Variants in CFTR observed in about 807,000 individuals in gnomAD.
The protein encoded by CFTR is cystic fibrosis transmembrane conductance regulator.
Under a neutral mutation model 171.6 loss-of-function variants are expected in CFTR, and 181 were observed. The observed-to-expected ratio is 1.05, with a 90% CI of 0.93 to 1.19. The LOEUF (loss-of-function observed/expected upper bound fraction) is 1.19. CFTR is among the 50% of genes most tolerant of loss of function. CFTR has a pLI of 0.00. For missense variants in CFTR, 1,968 were observed against 1,734.7 expected (o/e 1.13, Z -2.39); for synonymous variants, 583 against 608.0 (o/e 0.96, Z 0.60).
rs1307632707 is a variant in CFTR, at chr7:117,529,259, C to T, written c.274-1640C>T. Among the ~76,000 whole-genome samples, 28 of 102,316 alleles carry T rather than the reference C, an allele frequency of 2.7e-4. No individual in the cohort carries two copies. The South Asian group carries it at 3.6e-3, about 13-fold the overall frequency. The allele number at this position is 102,316 out of a possible 152,430, so 67.1% of individuals were successfully genotyped here. On this transcript the variant is annotated intron_variant, in intron 3 of 26. Transcript: ENST00000003084. Reference sequence around the variant, plus strand: ...GAAACCATCATTCTCAGTAAACTATCGCAAGAACAAAAAACCAAACACCGC... The same window carrying T: ...GAAACCATCATTCTCAGTAAACTATTGCAAGAACAAAAAACCAAACACCGC...
At chr7:117,603,915 G>T (rs1411570311) in intron 17 of CFTR, 133 bp downstream of exon 17, 9 of 886,064 alleles carry the variant, frequency 1.0e-5, no homozygotes, top group African/African-American at 3.3e-5. Context: ...CATTTGACTG[G>T]CATGCACATG....
At chr7:117,529,624 A>G (rs1468927164) in intron 3 of CFTR, among the ~76,000 whole-genome samples, 2 of 152,232 alleles carry the variant, frequency 1.3e-5, no homozygotes, top group South Asian at 2.1e-4. Context: ...GCAGCTACAC[A>G]AAGCTGCTCA....
At chr7:117,564,258 G>A (rs1791563647) in intron 11 of CFTR, among the ~76,000 whole-genome samples, 1 of 152,206 alleles carries the variant, frequency 6.6e-6, no homozygotes, top group African/African-American at 2.4e-5. Flanking sequence ...TTACATGACA[G>A]CACGTGATTG....
At position 117,625,916 on chromosome 7, in the gene CFTR, C is replaced by T. The variant is rs114816152; in HGVS notation, c.3469-1606C>T. On this transcript the variant is annotated intron_variant, in intron 21 of 26. Transcript: ENST00000003084. ...TGACTGAGTCAAGAGTTAGCTACCCCTGAAAGTAACTCATAATTCAGAATT... is the reference window on the plus strand; with the variant it reads ...TGACTGAGTCAAGAGTTAGCTACCCTTGAAAGTAACTCATAATTCAGAATT... Among the ~76,000 whole-genome samples the T allele has an allele frequency of 5.3e-3, 802 of 152,198 alleles. 2 individuals are homozygous for T. The highest frequency in any genetic ancestry group is 0.018 in the African/African-American group (767 of 41,542).
At chr7:117,563,281 CTAT>C (rs562493219) in intron 11 of CFTR, among the ~76,000 whole-genome samples, 7 of 151,780 alleles carry the variant, frequency 4.6e-5, no homozygotes, top group African/African-American at 1.7e-4. Flanking sequence ...AATAAAACAG[CTAT>C]TATTATTATT....
rs74551128 is a variant in CFTR, at chr7:117,548,795, C to T, written c.1364C>T (p.Ala455Val). ...AAGATAGAAAGAGGACAGTTGTTGG[C>T]GGTTGCTGGATCCACTGGAGCAGGC... ...NFKIERGQLL[A>V]VAGSTGAGKT... The change falls in exon 10 of 27, where the codon GCG becomes GTG. Residue 455 changes from alanine (A) to valine (V), a missense_variant. Transcript: ENST00000003084. The T allele has an allele frequency of 9.5e-5, 152 of 1,600,798 alleles. No individual in the cohort carries two copies. The highest frequency in any genetic ancestry group is 3.3e-4 in the Middle Eastern group (2 of 6,042).
intron 2 of CFTR, among the ~76,000 whole-genome samples, chr7:117,507,609 C>T (rs557388558): frequency 6.6e-6 from 1 of 152,104 alleles, no homozygotes; most frequent in South Asian, 2.1e-4. Flanking sequence ...GGGAGGTTAG[C>T]TCTGTGTGTG....
At chr7:117,610,361 A>G (rs1254537443) in intron 18 of CFTR, among the ~76,000 whole-genome samples, 158 bp from the exon 19 acceptor site, 2 of 151,386 alleles carry the variant, frequency 1.3e-5, no homozygotes, top group Non-Finnish European at 2.9e-5. Context: ...CAATGTGCAC[A>G]TGTACCCTAA....
intron 10 of CFTR, among the ~76,000 whole-genome samples, chr7:117,549,260 A>G (rs1457706892): frequency 6.6e-6 from 1 of 152,176 alleles, no homozygotes; most frequent in Non-Finnish European, 1.5e-5. Context: ...GAATAGATTT[A>G]GATTTGCTTA....
Position 117,518,005 on chromosome 7 carries a change from T to C in CFTR, c.273+8863T>C, listed in dbSNP as rs545447289. Among the ~76,000 whole-genome samples, 4 of 152,274 alleles carry C rather than the reference T, an allele frequency of 2.6e-5. No individual in the cohort carries two copies. The East Asian group carries it at 7.7e-4, about 29-fold the overall frequency. On this transcript the variant is annotated intron_variant, in intron 3 of 26. Coordinates refer to ENST00000003084, the MANE Select transcript of CFTR (RefSeq NM_000492.4). ...ATTTTCTCCCATTCTGTAAGTTGCC[T>C]GTTCACTCTGATGATAGTTTCTTTT...
At chr7:117,562,315 G>A (rs1045451084) in intron 11 of CFTR, among the ~76,000 whole-genome samples, 13 of 152,134 alleles carry the variant, frequency 8.5e-5, no homozygotes, top group African/African-American at 3.1e-4. Flanking sequence ...TGTAATTAAG[G>A]AGAAGGAAAG....
chr7:117,504,391 A>G lies in CFTR; in HGVS notation c.164+28A>G, dbSNP rs34010645. 1,373 of 1,049,952 alleles carry G rather than the reference A, an allele frequency of 1.3e-3. 13 individuals carry two copies. In the African/African-American group the frequency reaches 0.019, roughly 14 times the overall value. 65.0% of individuals were successfully genotyped at this position (1,049,952 alleles called of 1,614,324 possible). On this transcript the variant is annotated intron_variant, in intron 2 of 26. Transcript: ENST00000003084. ...ATGTTCATGTACATTGTTTAGTTGA[A>G]GAGAGAAATTCATATTATTAATTAT...
chr7:117,555,677 G>C (rs1799340729), intron 10 of CFTR, among the ~76,000 whole-genome samples: 2 of 152,180 alleles, frequency 1.3e-5, no homozygotes, highest in Admixed American at 1.3e-4. Context: ...ACCATATATT[G>C]AGGTCTGCAG....
chr7:117,607,517 T>C (rs1792317774), intron 18 of CFTR, among the ~76,000 whole-genome samples: 1 of 152,164 alleles, frequency 6.6e-6, no homozygotes, highest in Non-Finnish European at 1.5e-5. Flanking sequence ...CTTCCTGAGC[T>C]TCCTGACTGG....
chr7:117,538,886 A>G (rs900927247), intron 7 of CFTR, among the ~76,000 whole-genome samples: 5 of 152,360 alleles, frequency 3.3e-5, no homozygotes, highest in Middle Eastern at 3.4e-3. Context: ...GGTTGGGCAC[A>G]TTAAACTCCA....
At chr7:117,580,767 TCTA>T (rs1198289345) in intron 11 of CFTR, among the ~76,000 whole-genome samples, 8 of 152,170 alleles carry the variant, frequency 5.3e-5, no homozygotes, top group African/African-American at 1.7e-4. Context: ...GTTTCATAAA[TCTA>T]CTTTCTTACA....
chr7:117,610,036 C>T (rs1792357741), intron 18 of CFTR, among the ~76,000 whole-genome samples: 1 of 151,820 alleles, frequency 6.6e-6, no homozygotes, highest in Admixed American at 6.6e-5. Context: ...CACATATACA[C>T]CATGGAACAC....
At chr7:117,660,801 TG>T (rs2116213216) in intron 24 of CFTR, among the ~76,000 whole-genome samples, 1 of 150,486 alleles carries the variant, frequency 6.6e-6, no homozygotes, top group East Asian at 1.9e-4. Context: ...ATTTCCTGTT[TG>T]TTTGTTTTTT....
At chr7:117,544,636 C>T (rs905524658) in intron 9 of CFTR, among the ~76,000 whole-genome samples, 2 of 152,202 alleles carry the variant, frequency 1.3e-5, no homozygotes, top group Non-Finnish European at 2.9e-5. Context: ...AATTATTCTT[C>T]CTCCAGAAGC....
Sources: gnomAD v4.1 joint callset for allele counts (sites outside exome capture counted in the v4.1 genomes callset) on GRCh38, gnomAD v4.1.1 for gene constraint, MANE v1.5 for transcripts, NCBI Gene and HGNC (gene_info 2026-07-23, HGNC 2026-07-21) for gene names.